The following TMEM242 variants were observed in gnomAD, a reference collection of about 807,000 sequenced individuals.
TMEM242 encodes the protein transmembrane protein 242.
A neutral mutation model predicts 18.2 loss-of-function variants in TMEM242; 10 were observed. The observed-to-expected ratio is 0.55, with a 90% CI of 0.34 to 0.93. The LOEUF (loss-of-function observed/expected upper bound fraction) is 0.93. Among genes scored for constraint, TMEM242 ranks in the 40% least tolerant of loss-of-function variants. The probability of loss-of-function intolerance (pLI) is 0.02; values close to 1 mark genes in which losing one functional copy is unlikely to be tolerated. For synonymous variants in TMEM242, 57 were observed against 69.9 expected (o/e 0.81, Z 0.92); for missense variants, 186 against 175.5 (o/e 1.06, Z -0.34).
At chr6:157,315,971 T>G (rs1778382268) in intron 3 of TMEM242, among the ~76,000 whole-genome samples, 5 of 152,256 alleles carry the variant, frequency 3.3e-5, no homozygotes, top group Admixed American at 3.3e-4. Flanking sequence ...TCTAGCACAG[T>G]TGGATTATTC....
chr6:157,317,721 T>A (rs1039821683), intron 3 of TMEM242, among the ~76,000 whole-genome samples: 1 of 152,176 alleles, frequency 6.6e-6, no homozygotes, highest in Non-Finnish European at 1.5e-5. Context: ...CCTGACATTA[T>A]CTCCCAATAC....
chr6:157,312,755 T>C (rs1778215806), intron 3 of TMEM242, among the ~76,000 whole-genome samples: 2 of 85,360 alleles, frequency 2.3e-5, no homozygotes, highest in African/African-American at 4.9e-5. Context: ...CCTGGCCTCA[T>C]CTTACTGTCA....
chr6:157,308,766 G>T (rs1462739067), intron 3 of TMEM242, among the ~76,000 whole-genome samples: 9 of 149,780 alleles, frequency 6.0e-5, no homozygotes, highest in Admixed American at 4.0e-4. Context: ...GGTGGGGGTG[G>T]ATTACTTTCT....
intron 3 of TMEM242, among the ~76,000 whole-genome samples, chr6:157,310,817 C>T (rs1778014553): frequency 1.3e-5 from 2 of 151,150 alleles, no homozygotes; most frequent in African/African-American, 4.9e-5. Context: ...TCCCAGTGTG[C>T]ACTCACCCGG....
At chr6:157,319,787 T>C (rs762306098) in intron 2 of TMEM242, among the ~76,000 whole-genome samples, 1 of 152,192 alleles carries the variant, frequency 6.6e-6, no homozygotes, top group South Asian at 2.1e-4. Context: ...TCTGTTTAAA[T>C]AGCAAGATTA....
intron 3 of TMEM242, chr6:157,299,517 G>A: frequency 6.8e-7 from 1 of 1,464,872 alleles, no homozygotes; most frequent in Non-Finnish European, 9.5e-7. Flanking sequence ...GCAGTATCCA[G>A]ATTACAGCCG....
intron 3 of TMEM242, among the ~76,000 whole-genome samples, chr6:157,310,816 G>T (rs1554248461): frequency 3.5e-5 from 5 of 143,272 alleles, no homozygotes; most frequent in African/African-American, 1.3e-4. Context: ...GTCCCAGTGT[G>T]CACTCACCCG....
At chr6:157,313,980 A>C (rs1778319764) in intron 3 of TMEM242, among the ~76,000 whole-genome samples, 10 of 151,696 alleles carry the variant, frequency 6.6e-5, no homozygotes, top group Admixed American at 3.3e-4. Context: ...TGGCCTCATC[A>C]TAGTGCCCCA....
intron 3 of TMEM242, among the ~76,000 whole-genome samples, chr6:157,312,962 T>C (rs1583570506): frequency 4.1e-5 from 6 of 147,542 alleles, no homozygotes; most frequent in Admixed American, 2.0e-4. Flanking sequence ...GGCCTCATCA[T>C]AGTGCCTCAG....
intron 3 of TMEM242, among the ~76,000 whole-genome samples, chr6:157,316,915 T>A (rs1430451887): frequency 1.3e-5 from 2 of 152,118 alleles, no homozygotes; most frequent in African/African-American, 4.8e-5. Flanking sequence ...AAGGTTAGAC[T>A]AGGAGAAAAG....
rs370405479 is a variant in TMEM242 at position 157,289,053 on chromosome 6, C to CTT, written c.*3846_*3847dup. ...CTTTAAGTACATTTAATACATTCAC[C>CTT]TTTTTTTTTTTTTAAAGTAAGGGAT... On this transcript the variant is annotated 3_prime_UTR_variant, in exon 4 of 4. Coordinates refer to ENST00000400788, the MANE Select transcript of TMEM242 (RefSeq NM_018452.6). Among the ~76,000 whole-genome samples the CTT allele has an allele frequency of 0.3, 43,931 of 147,102 alleles. 6,916 individuals are homozygous for CTT. The highest frequency in any genetic ancestry group is 0.56 in the East Asian group (2,834 of 5,090).
At chr6:157,315,098 A>C (rs1778365986) in intron 3 of TMEM242, among the ~76,000 whole-genome samples, 1 of 152,212 alleles carries the variant, frequency 6.6e-6, no homozygotes, top group Admixed American at 6.5e-5. Context: ...TTTCTGACTG[A>C]GACTGTTTTC....
Position 157,293,874 on chromosome 6 carries a change from C to T in TMEM242, c.328-875G>A, listed in dbSNP as rs587649207. Among the ~76,000 whole-genome samples the T allele has an allele frequency of 1.7e-4, 26 of 152,174 alleles. No individual in the cohort carries two copies. In the South Asian group the frequency reaches 4.2e-3, roughly 24 times the overall value. ...CAGCACCCCCAAGTAGCTGGAACTACAGGCATGTGCTAACTTTTGCATTTT... is the reference window on the plus strand; with the variant it reads ...CAGCACCCCCAAGTAGCTGGAACTATAGGCATGTGCTAACTTTTGCATTTT... On this transcript the variant is annotated intron_variant, in intron 3 of 3. Coordinates refer to ENST00000400788, the MANE Select transcript of TMEM242 (RefSeq NM_018452.6).
At position 157,299,826 on chromosome 6, in the gene TMEM242, T is replaced by C. The variant is rs587609878; in HGVS notation, c.328-6827A>G. On this transcript the variant is annotated intron_variant, in intron 3 of 3. Transcript: ENST00000400788. ...GGGCTGCCATGTTGAAGATCCATTG[T>C]CTCACCCTTCAGTTTGCCTTCATCA... 26 of 1,610,458 alleles carry C rather than the reference T, an allele frequency of 1.6e-5. No individual in the cohort carries two copies. In the African/African-American group the frequency reaches 3.2e-4, roughly 20 times the overall value.
chr6:157,289,511 T>A lies in TMEM242; in HGVS notation c.*3390A>T, dbSNP rs587634820. 1 of 152,366 alleles carries A rather than the reference T, an allele frequency of 6.6e-6. No homozygotes were observed. Among genetic ancestry groups the A allele is most frequent in the African/African-American group, 2.4e-5 (1 of 41,596 alleles). The allele number at this position is 152,366 out of a possible 1,614,324, so 9.4% of individuals were successfully genotyped here. A position where few individuals can be genotyped will look rare whatever the true frequency, so the allele number is the denominator to read the frequency against. The stretch of plus-strand genomic sequence containing the variant: ...TTAACTATTTGATGAAATGCCTTTG[T>A]ATGTTACCTGATTTTCATTTGTACT... On this transcript the variant is annotated 3_prime_UTR_variant, in exon 4 of 4. Transcript: ENST00000400788.
rs370405479 is a variant in TMEM242, at chr6:157,289,053, CT to C, written c.*3847del. Among the ~76,000 whole-genome samples the C allele has an allele frequency of 5.6e-4, 83 of 147,100 alleles. No individual in the cohort carries two copies. The East Asian group carries it at 0.012, about 21-fold the overall frequency. On this transcript the variant is annotated 3_prime_UTR_variant, in exon 4 of 4. Coordinates refer to ENST00000400788, the MANE Select transcript of TMEM242 (RefSeq NM_018452.6). The stretch of plus-strand genomic sequence containing the variant: ...CTTTAAGTACATTTAATACATTCAC[CT>C]TTTTTTTTTTTTAAAGTAAGGGATC...
At chr6:157,312,740 G>T (rs797038196) in intron 3 of TMEM242, among the ~76,000 whole-genome samples, 623 of 23,294 alleles carry the variant, frequency 0.027, 14 homozygotes, top group African/African-American at 0.088. Flanking sequence ...CCCAGTGTGC[G>T]CTCACCTGGC....
intron 3 of TMEM242, among the ~76,000 whole-genome samples, chr6:157,306,407 G>A (rs761178962): frequency 1.8e-4 from 27 of 152,330 alleles, no homozygotes; most frequent in South Asian, 6.2e-4. Flanking sequence ...TTAGATGCAG[G>A]GGTGAGACAC....
At chr6:157,304,758 G>T (rs979046190) in intron 3 of TMEM242, among the ~76,000 whole-genome samples, 2 of 152,204 alleles carry the variant, frequency 1.3e-5, no homozygotes, top group Non-Finnish European at 2.9e-5. Flanking sequence ...GAGAGTAACT[G>T]GGTGGTGGGA....
Sources: allele counts gnomAD v4.1 joint callset (sites outside exome capture counted in the v4.1 genomes callset), GRCh38; gene constraint gnomAD v4.1.1; transcripts MANE v1.5; gene names NCBI Gene and HGNC (gene_info 2026-07-23, HGNC 2026-07-21).